JAKMIP2: variants seen among roughly 807,000 people sequenced by gnomAD.
JAKMIP2 encodes the protein janus kinase and microtubule interacting protein 2.
A neutral mutation model predicts 115.0 loss-of-function variants in JAKMIP2; 25 were observed. The ratio of observed to expected loss-of-function variants is 0.22; its 90% confidence interval spans 0.16 to 0.30. The LOEUF (loss-of-function observed/expected upper bound fraction) is 0.30. JAKMIP2 is among the 10% of genes least tolerant of loss of function. The pLI, the probability that JAKMIP2 is intolerant of heterozygous loss-of-function variation, is 1.00. For synonymous variants in JAKMIP2, 334 were observed against 343.6 expected (o/e 0.97, Z 0.31); for missense variants, 642 against 957.6 (o/e 0.67, Z 4.35).
intron 3 of JAKMIP2, among the ~76,000 whole-genome samples, chr5:147,656,512 G>C (rs1758682821): frequency 6.6e-6 from 1 of 152,112 alleles, no homozygotes; most frequent in African/African-American, 2.4e-5. Flanking sequence ...TGCAACCTCT[G>C]CTTTTTTTTG....
At chr5:147,713,445 T>C (rs1752856958) in intron 1 of JAKMIP2, among the ~76,000 whole-genome samples, 1 of 152,168 alleles carries the variant, frequency 6.6e-6, no homozygotes, top group Non-Finnish European at 1.5e-5. Context: ...AACAGCATAA[T>C]GAAACAGGTA....
chr5:147,605,532 A>G (rs1755960580), intron 20 of JAKMIP2, among the ~76,000 whole-genome samples: 1 of 152,066 alleles, frequency 6.6e-6, no homozygotes. Context: ...TCTTTTTCCA[A>G]TCTAACAATC....
rs749668374 is a variant in JAKMIP2 at position 147,644,084 on chromosome 5, G to T, written c.1198C>A (p.Gln400Lys). 3.7e-6 allele frequency: 6 copies of T among 1,605,636 alleles called. No homozygotes were observed. The East Asian group carries it at 1.3e-4, about 36-fold the overall frequency. The part of the protein sequence containing the change: ...EFLKLQVIEQ[Q>K]NIIDELTRDR... ...CTTGTGAGCTCATCAATAATGTTCTGTTGCTCAATGACCTGAAGTTTTAGA... is the reference window on the plus strand; with the variant it reads ...CTTGTGAGCTCATCAATAATGTTCTTTTGCTCAATGACCTGAAGTTTTAGA... The change falls in exon 7 of 22, where the codon CAG becomes AAG. Residue 400 changes from glutamine to lysine, a missense_variant. Physicochemically the swap from Gln to Lys is moderately conservative, Grantham distance 53. This residue lies in a region of JAKMIP2 where 439 missense variants were observed against 570.9 expected (regional missense o/e 0.77). Coordinates refer to ENST00000616793, the MANE Select transcript of JAKMIP2 (RefSeq NM_001270941.2).
At chr5:147,654,345 G>A (rs1328300574) in intron 3 of JAKMIP2, among the ~76,000 whole-genome samples, 1 of 152,100 alleles carries the variant, frequency 6.6e-6, no homozygotes, top group East Asian at 1.9e-4. Context: ...CTATCCATGA[G>A]GATGGAATGT....
chr5:147,660,799 C>T (rs986267167), intron 3 of JAKMIP2, 149 bp downstream of exon 3: 3 of 816,398 alleles, frequency 3.7e-6, no homozygotes, highest in Non-Finnish European at 5.8e-6. Flanking sequence ...TACCTACATA[C>T]TGATCTATCT....
chr5:147,721,912 G>C (rs11748881), intron 1 of JAKMIP2, among the ~76,000 whole-genome samples: 20,026 of 152,094 alleles, frequency 0.13, 1,927 homozygotes, highest in East Asian at 0.36. Context: ...TAAAGTGTGG[G>C]AGGAAATATG....
Position 147,589,712 on chromosome 5 carries a change from G to A in JAKMIP2, c.*1995C>T, listed in dbSNP as rs548050978. The A allele has an allele frequency of 6.6e-6, 1 of 152,114 alleles. No homozygotes were observed. The highest frequency in any genetic ancestry group is 1.5e-5 in the Non-Finnish European group (1 of 68,034). 9.4% of individuals were successfully genotyped at this position (152,114 alleles called of 1,614,324 possible). ...TCTATCTTGTTCAATAGCATGAGATGATCTATTTCCTATAGATTATTAAAG... is the reference window on the plus strand; with the variant it reads ...TCTATCTTGTTCAATAGCATGAGATAATCTATTTCCTATAGATTATTAAAG... On this transcript the variant is annotated 3_prime_UTR_variant, in exon 22 of 22. Coordinates refer to ENST00000616793, the MANE Select transcript of JAKMIP2 (RefSeq NM_001270941.2).
At chr5:147,700,891 T>C (rs1360872370) in intron 1 of JAKMIP2, among the ~76,000 whole-genome samples, 1 of 152,180 alleles carries the variant, frequency 6.6e-6, no homozygotes, top group Admixed American at 6.6e-5. Context: ...GGACCTGTCA[T>C]GGGCTACTTC....
At chr5:147,738,574 CT>C (rs1464677162) in intron 1 of JAKMIP2, among the ~76,000 whole-genome samples, 3 of 152,134 alleles carry the variant, frequency 2.0e-5, no homozygotes, top group Non-Finnish European at 4.4e-5. Flanking sequence ...TATAACAAGA[CT>C]GCAATTGCAG....
At chr5:147,599,993 G>C (rs1755611336) in intron 21 of JAKMIP2, among the ~76,000 whole-genome samples, 1 of 151,290 alleles carries the variant, frequency 6.6e-6, no homozygotes, top group Non-Finnish European at 1.5e-5. Flanking sequence ...TTTCTACCTA[G>C]TACTTACAAG....
At chr5:147,615,664 T>A (rs35502493) in intron 19 of JAKMIP2, among the ~76,000 whole-genome samples, 17,266 of 152,190 alleles carry the variant, frequency 0.11, 1,328 homozygotes, top group South Asian at 0.27. Flanking sequence ...GGCACCTGCA[T>A]GTACTTTTAA....
Position 147,620,250 on chromosome 5 carries a change from C to T in JAKMIP2, c.2142+416G>A, listed in dbSNP as rs975208626. On this transcript the variant is annotated intron_variant, in intron 18 of 21. Coordinates refer to ENST00000616793, the MANE Select transcript of JAKMIP2 (RefSeq NM_001270941.2). Reference sequence around the variant, plus strand: ...GCTAGTACTACAAAGTGCATGTCACCATGATTGGCTAATTTTTGTATTTTG... The same window carrying T: ...GCTAGTACTACAAAGTGCATGTCACTATGATTGGCTAATTTTTGTATTTTG... Among the ~76,000 whole-genome samples, 6 of 152,168 alleles carry T rather than the reference C, an allele frequency of 3.9e-5. No individual in the cohort carries two copies. In the South Asian group the frequency reaches 1.2e-3, roughly 32 times the overall value.
intron 2 of JAKMIP2, 144 bp from the exon 3 acceptor site, chr5:147,661,589 T>A: frequency 1.3e-6 from 1 of 765,388 alleles, no homozygotes. Context: ...AAAAAAGAAC[T>A]ACAGGCCTTG....
rs559853726 is a variant in JAKMIP2 at position 147,699,438 on chromosome 5, GA to G, written c.-148-27485del. 6.0e-5 allele frequency among the ~76,000 whole-genome samples: 9 copies of G among 149,462 alleles called. No individual in the cohort carries two copies. In the East Asian group the frequency reaches 9.8e-4, roughly 16 times the overall value. Reference sequence around the variant, plus strand: ...ATCTAGGGAAGTTGTTTACATTGGTGAAAAAAAAACAATTAGAGAGGGACTC... The same window carrying G: ...ATCTAGGGAAGTTGTTTACATTGGTGAAAAAAAACAATTAGAGAGGGACTC... On this transcript the variant is annotated intron_variant, in intron 1 of 21. Coordinates refer to ENST00000616793, the MANE Select transcript of JAKMIP2 (RefSeq NM_001270941.2).
chr5:147,756,879 A>G (rs1412826639), intron 1 of JAKMIP2, among the ~76,000 whole-genome samples: 1 of 152,120 alleles, frequency 6.6e-6, no homozygotes. Context: ...AAAATCAACA[A>G]TTACAAAGTA....
At chr5:147,659,733 G>A (rs1476036161) in intron 3 of JAKMIP2, among the ~76,000 whole-genome samples, 1 of 152,146 alleles carries the variant, frequency 6.6e-6, no homozygotes, top group Non-Finnish European at 1.5e-5. Flanking sequence ...AAAACCAAAG[G>A]CAGGGCAGAG....
intron 21 of JAKMIP2, among the ~76,000 whole-genome samples, chr5:147,598,297 T>C (rs559346181): frequency 6.6e-6 from 1 of 152,228 alleles, no homozygotes; most frequent in East Asian, 1.9e-4. Context: ...TCAGCGGTTC[T>C]TGGGTTTCTG....
At chr5:147,691,434 C>G (rs956662327) in intron 1 of JAKMIP2, among the ~76,000 whole-genome samples, 6 of 152,058 alleles carry the variant, frequency 3.9e-5, no homozygotes, top group African/African-American at 1.5e-4. Context: ...TTTTCATCTT[C>G]CCTATTCCAA....
At chr5:147,632,110 C>T (rs1757388689) in intron 13 of JAKMIP2, among the ~76,000 whole-genome samples, 1 of 152,116 alleles carries the variant, frequency 6.6e-6, no homozygotes, top group Admixed American at 6.6e-5. Context: ...CCATGTTTTA[C>T]TTGCAAAATA....
Sources: allele counts gnomAD v4.1 joint callset (sites outside exome capture counted in the v4.1 genomes callset), GRCh38; gene constraint gnomAD v4.1.1; regional missense constraint gnomAD v4.1.1; transcripts MANE v1.5; gene names NCBI Gene and HGNC (gene_info 2026-07-23, HGNC 2026-07-21).